GRIA4: variants seen among roughly 807,000 people sequenced by gnomAD.
The protein encoded by GRIA4 is glutamate ionotropic receptor AMPA type subunit 4, also known as glutamate receptor 4.
A neutral mutation model predicts 104.0 loss-of-function variants in GRIA4; 34 were observed. The observed-to-expected ratio is 0.33, with a 90% CI of 0.25 to 0.44. GRIA4 has a LOEUF of 0.44. Among genes scored for constraint, GRIA4 ranks in the 20% least tolerant of loss-of-function variants. The pLI, the probability that GRIA4 is intolerant of heterozygous loss-of-function variation, is 1.00. For missense variants in GRIA4, 750 were observed against 1,096.5 expected, an observed-to-expected ratio of 0.68 and a Z score of 4.46; for synonymous variants, 386 against 381.9, an observed-to-expected ratio of 1.01 and a Z score of -0.13.
intron 4 of GRIA4, among the ~76,000 whole-genome samples, chr11:105,834,159 C>A (rs921829046): frequency 3.3e-5 from 5 of 152,020 alleles, no homozygotes; most frequent in African/African-American, 1.2e-4. Context: ...GGAGCTGACA[C>A]AGTTCCAGAA....
At chr11:105,915,517 A>T (rs891857784) in intron 10 of GRIA4, among the ~76,000 whole-genome samples, 5 of 152,196 alleles carry the variant, frequency 3.3e-5, no homozygotes, top group African/African-American at 1.2e-4. Context: ...GAAAACCTGA[A>T]TCAGAATTTC....
Position 105,933,760 on chromosome 11 carries a change from C to T in GRIA4, c.2085C>T (p.Tyr695=), listed in dbSNP as rs762031963. The T allele has an allele frequency of 3.1e-6, 5 of 1,608,238 alleles. No individual in the cohort carries two copies. Among genetic ancestry groups the T allele is most frequent in the Non-Finnish European group, 4.3e-6 (5 of 1,175,726 alleles). The change falls in exon 14 of 17, where the codon TAC becomes TAT. Residue 695 remains tyrosine, a synonymous_variant. Coordinates refer to ENST00000282499, the MANE Select transcript of GRIA4 (RefSeq NM_000829.4). ...KIAVYEKMWT[Y]MRSAEPSVFT... ...CAGTGTATGAAAAGATGTGGACCTA[C>T]ATGCGATCAGCAGAGCCATCAGTAT...
intron 3 of GRIA4, among the ~76,000 whole-genome samples, chr11:105,669,748 T>G (rs1242293668): frequency 6.6e-6 from 1 of 152,166 alleles, no homozygotes; most frequent in Non-Finnish European, 1.5e-5. Context: ...TACTATTTTG[T>G]GAATAAATAA....
chr11:105,859,656 T>C (rs1244378869), intron 4 of GRIA4, among the ~76,000 whole-genome samples: 1 of 152,110 alleles, frequency 6.6e-6, no homozygotes, highest in Non-Finnish European at 1.5e-5. Flanking sequence ...CGTGCCAAGC[T>C]GTGAATTAAG....
chr11:105,708,376 G>T (rs1322085094), intron 3 of GRIA4, among the ~76,000 whole-genome samples: 1 of 152,046 alleles, frequency 6.6e-6, no homozygotes, highest in Non-Finnish European at 1.5e-5. Flanking sequence ...ATACTTTTCT[G>T]TAATACACTG....
intron 3 of GRIA4, among the ~76,000 whole-genome samples, chr11:105,681,060 G>A (rs776043799): frequency 1.3e-5 from 2 of 152,100 alleles, no homozygotes; most frequent in Non-Finnish European, 2.9e-5. Flanking sequence ...TACTTCTAAC[G>A]CCACATTCCT....
intron 3 of GRIA4, among the ~76,000 whole-genome samples, chr11:105,664,583 T>G (rs1952110118): frequency 1.3e-5 from 2 of 151,930 alleles, no homozygotes; most frequent in Non-Finnish European, 2.9e-5. Flanking sequence ...CTAGCACTGT[T>G]TTGTGTGGTA....
chr11:105,652,256 GAAGA>G (rs1331514726), intron 3 of GRIA4, among the ~76,000 whole-genome samples: 4 of 152,078 alleles, frequency 2.6e-5, no homozygotes, highest in African/African-American at 9.7e-5. Flanking sequence ...GAGAAGAATA[GAAGA>G]AAGAAAATTA....
At chr11:105,846,231 TA>T (rs1944590166) in intron 4 of GRIA4, among the ~76,000 whole-genome samples, 1 of 152,174 alleles carries the variant, frequency 6.6e-6, no homozygotes, top group Non-Finnish European at 1.5e-5. Flanking sequence ...AGAAAACTAG[TA>T]TTTGGAATTT....
chr11:105,634,092 T>A (rs1951111731), intron 3 of GRIA4, among the ~76,000 whole-genome samples: 1 of 152,020 alleles, frequency 6.6e-6, no homozygotes, highest in Admixed American at 6.5e-5. Flanking sequence ...CTCATGCCTG[T>A]AATCCCAGCA....
chr11:105,956,045 GC>G (rs1219066382), intron 14 of GRIA4, among the ~76,000 whole-genome samples: 1 of 152,064 alleles, frequency 6.6e-6, no homozygotes, highest in African/African-American at 2.4e-5. Context: ...CGGGTAGATT[GC>G]AAAAATTATC....
At chr11:105,699,529 TA>T (rs1953409185) in intron 3 of GRIA4, among the ~76,000 whole-genome samples, 1 of 152,202 alleles carries the variant, frequency 6.6e-6, no homozygotes, top group African/African-American at 2.4e-5. Flanking sequence ...AGAAATGTCA[TA>T]ACTTTTATCT....
At chr11:105,752,066 A>G (rs1197189189) in intron 3 of GRIA4, among the ~76,000 whole-genome samples, 1 of 152,196 alleles carries the variant, frequency 6.6e-6, no homozygotes, top group Non-Finnish European at 1.5e-5. Flanking sequence ...TAAATTGGAA[A>G]AAGTCACACC....
At chr11:105,937,228 A>G (rs980300253) in intron 14 of GRIA4, among the ~76,000 whole-genome samples, 3 of 152,128 alleles carry the variant, frequency 2.0e-5, no homozygotes, top group African/African-American at 7.2e-5. Context: ...AAGAAAGAGG[A>G]AGTATATTTA....
intron 3 of GRIA4, among the ~76,000 whole-genome samples, chr11:105,697,141 C>T (rs549234816): frequency 1.3e-5 from 2 of 152,122 alleles, no homozygotes; most frequent in East Asian, 3.9e-4. Context: ...TTATTATTTT[C>T]TATTATAGAA....
intron 16 of GRIA4, 157 bp downstream of exon 16, chr11:105,974,601 T>G: frequency 6.3e-7 from 1 of 1,582,862 alleles, no homozygotes; most frequent in South Asian, 1.1e-5. Flanking sequence ...ATGCATCCTG[T>G]GAACGCAGTG....
chr11:105,967,555 A>T (rs1027471142), intron 14 of GRIA4, among the ~76,000 whole-genome samples: 1 of 152,216 alleles, frequency 6.6e-6, no homozygotes, highest in Admixed American at 6.5e-5. Flanking sequence ...CTTTCACCAA[A>T]CATGAACTAC....
chr11:105,674,384 A>G (rs1314457991), intron 3 of GRIA4, among the ~76,000 whole-genome samples: 1 of 151,540 alleles, frequency 6.6e-6, no homozygotes, highest in Non-Finnish European at 1.5e-5. Flanking sequence ...TCAAGTTTAG[A>G]CTGCTGTAAC....
At chr11:105,815,636 C>T (rs961315274) in intron 4 of GRIA4, among the ~76,000 whole-genome samples, 1 of 150,878 alleles carries the variant, frequency 6.6e-6, no homozygotes, top group Non-Finnish European at 1.5e-5. Context: ...AAATACACTG[C>T]CAAGTATGTT....
Sources: allele counts gnomAD v4.1 joint callset (sites outside exome capture counted in the v4.1 genomes callset), GRCh38; gene constraint gnomAD v4.1.1; transcripts MANE v1.5; gene names NCBI Gene and HGNC (gene_info 2026-07-23, HGNC 2026-07-21).